The following RALGPS1 variants were observed in gnomAD, a reference collection of about 807,000 sequenced individuals.
RALGPS1 encodes the protein ras-specific guanine nucleotide-releasing factor RalGPS1.
RALGPS1 carries 19 observed loss-of-function variants against 78.8 expected under a neutral mutation model. That is an observed-to-expected ratio of 0.24 (90% CI 0.17 to 0.35). The LOEUF (loss-of-function observed/expected upper bound fraction) is 0.35, where lower values mean the gene tolerates loss of function less well. RALGPS1 is among the 10% of genes least tolerant of loss of function. The probability of loss-of-function intolerance (pLI) is 1.00; values close to 1 mark genes in which losing one functional copy is unlikely to be tolerated. For synonymous variants in RALGPS1, 228 were observed against 256.3 expected, an observed-to-expected ratio of 0.89 and a Z score of 1.06; for missense variants, 454 against 688.3, an observed-to-expected ratio of 0.66 and a Z score of 3.81.
intron 8 of RALGPS1, chr9:127,089,095 G>A: frequency 6.2e-7 from 1 of 1,614,240 alleles, no homozygotes; most frequent in Non-Finnish European, 8.5e-7. Flanking sequence ...AGTGGGCACA[G>A]GCGTTATACC....
chr9:126,939,617 G>A (rs2131382904), intron 1 of RALGPS1, among the ~76,000 whole-genome samples: 1 of 152,362 alleles, frequency 6.6e-6, no homozygotes, highest in Non-Finnish European at 1.5e-5. Context: ...GGAAATAGAA[G>A]CCAAGAGGCA....
At chr9:127,053,610 A>G (rs1017845887) in intron 7 of RALGPS1, among the ~76,000 whole-genome samples, 1 of 152,150 alleles carries the variant, frequency 6.6e-6, no homozygotes, top group Non-Finnish European at 1.5e-5. Context: ...TCACAGCCAC[A>G]CAGCGCAAGC....
chr9:127,130,755 A>C (rs1454799767), intron 8 of RALGPS1, among the ~76,000 whole-genome samples: 4 of 152,192 alleles, frequency 2.6e-5, no homozygotes, highest in Non-Finnish European at 5.9e-5. Flanking sequence ...CAGATGAAGA[A>C]ACTGAGGCTC....
intron 1 of RALGPS1, among the ~76,000 whole-genome samples, chr9:126,960,947 C>T (rs144022304): frequency 1.8e-3 from 267 of 152,250 alleles, no homozygotes; most frequent in Non-Finnish European, 3.1e-3. Flanking sequence ...CTCTCAGTCT[C>T]TCTCCCCTCT....
At chr9:126,993,689 C>T (rs1037646641) in intron 4 of RALGPS1, among the ~76,000 whole-genome samples, 3 of 152,112 alleles carry the variant, frequency 2.0e-5, no homozygotes, top group Non-Finnish European at 4.4e-5. Flanking sequence ...TAGTGGTTCT[C>T]CCAGCACGCA....
At chr9:127,187,275 G>A (rs905183868) in intron 11 of RALGPS1, among the ~76,000 whole-genome samples, 7 of 152,168 alleles carry the variant, frequency 4.6e-5, no homozygotes, top group African/African-American at 1.7e-4. Flanking sequence ...CTTCCTGGAG[G>A]AAATGTCTCC....
rs563429146 is a variant in RALGPS1, at chr9:127,108,065, G to A, written c.610+38709G>A. The A allele has an allele frequency of 3.1e-6, 5 of 1,611,592 alleles. No individual in the cohort carries two copies. Among genetic ancestry groups the A allele is most frequent in the East Asian group, 2.2e-5 (1 of 44,790 alleles). ...TTGTAGGTGGGTGGTTGGTAGACCC[G>A]GGGCGGGGCAGCGGGGGGTGGCTGG... is the stretch of plus-strand genomic sequence containing the variant. On this transcript the variant is annotated intron_variant, in intron 8 of 18. Transcript: ENST00000259351.
chr9:127,092,876 A>G (rs532030676), intron 8 of RALGPS1, among the ~76,000 whole-genome samples: 179 of 152,264 alleles, frequency 1.2e-3, no homozygotes, highest in African/African-American at 4.2e-3. Flanking sequence ...AAGAAGGGGC[A>G]TGGCAGAGCC....
chr9:127,207,651 G>C (rs1374131004), intron 14 of RALGPS1, among the ~76,000 whole-genome samples: 1 of 152,240 alleles, frequency 6.6e-6, no homozygotes, highest in East Asian at 1.9e-4. Flanking sequence ...TCTGGTTCCA[G>C]TGGCTGAAGA....
At chr9:127,044,386 A>T (rs2135113995) in intron 5 of RALGPS1, among the ~76,000 whole-genome samples, 1 of 151,934 alleles carries the variant, frequency 6.6e-6, no homozygotes, top group East Asian at 1.9e-4. Context: ...CCTCCTGAGT[A>T]GCTGGGATTA....
At chr9:127,197,913 A>T (rs1041236859) in intron 13 of RALGPS1, among the ~76,000 whole-genome samples, 13 of 152,182 alleles carry the variant, frequency 8.5e-5, no homozygotes, top group Admixed American at 5.9e-4. Flanking sequence ...TGGAGTGTCC[A>T]ATGGGACCTG....
At chr9:127,108,166 A>G in intron 8 of RALGPS1, 2 of 1,614,094 alleles carry the variant, frequency 1.2e-6, no homozygotes, top group Non-Finnish European at 8.5e-7. Context: ...GTTGTGGGCC[A>G]GTGTGGCCAG....
intron 8 of RALGPS1, among the ~76,000 whole-genome samples, chr9:127,150,090 A>C (rs538425370): frequency 2.0e-5 from 3 of 152,330 alleles, no homozygotes; most frequent in Admixed American, 1.3e-4. Flanking sequence ...TGAACAAGCA[A>C]CTTAGCCTCT....
intron 4 of RALGPS1, among the ~76,000 whole-genome samples, chr9:127,017,133 T>C (rs7045650): frequency 0.14 from 21,332 of 152,276 alleles, 4,902 homozygotes; most frequent in African/African-American, 0.48. Flanking sequence ...TACAGTCATA[T>C]GTCACTTAAA....
chr9:126,960,435 T>C (rs1182370043), intron 1 of RALGPS1, among the ~76,000 whole-genome samples: 1 of 151,826 alleles, frequency 6.6e-6, no homozygotes, highest in East Asian at 1.9e-4. Flanking sequence ...GGTTTCACCA[T>C]GTTGGCCAGG....
chr9:127,123,456 G>C (rs530919461), intron 8 of RALGPS1, among the ~76,000 whole-genome samples: 1 of 152,310 alleles, frequency 6.6e-6, no homozygotes, highest in African/African-American at 2.4e-5. Flanking sequence ...GGTCACGTGG[G>C]AAGGAGCTTG....
At chr9:126,918,154 T>A (rs2034368705) in intron 1 of RALGPS1, among the ~76,000 whole-genome samples, 1 of 152,216 alleles carries the variant, frequency 6.6e-6, no homozygotes, top group Admixed American at 6.5e-5. Context: ...ACAAAAATAT[T>A]GTAACATTAG....
At chr9:127,078,629 G>A (rs1450894068) in intron 8 of RALGPS1, among the ~76,000 whole-genome samples, 1 of 152,186 alleles carries the variant, frequency 6.6e-6, no homozygotes, top group African/African-American at 2.4e-5. Flanking sequence ...CCCAGAGCGG[G>A]AGAACCTTGT....
intron 8 of RALGPS1, among the ~76,000 whole-genome samples, chr9:127,153,123 T>C (rs1422434659): frequency 6.6e-6 from 1 of 152,198 alleles, no homozygotes; most frequent in Non-Finnish European, 1.5e-5. Flanking sequence ...ATAGTATATG[T>C]GAGTGTGGGT....
Sources: gnomAD v4.1 joint callset for allele counts (sites outside exome capture counted in the v4.1 genomes callset) on GRCh38, gnomAD v4.1.1 for gene constraint, MANE v1.5 for transcripts, NCBI Gene and HGNC (gene_info 2026-07-23, HGNC 2026-07-21) for gene names.